Variants in BTRC observed in about 807,000 individuals in gnomAD.
BTRC encodes F-box/WD repeat-containing protein 1A.
BTRC carries 42 observed loss-of-function variants against 85.5 expected under a neutral mutation model. The ratio of observed to expected loss-of-function variants is 0.49; its 90% CI spans 0.38 to 0.64. BTRC has a LOEUF of 0.64. Ranked by LOEUF, BTRC falls within the 30% of genes least tolerant of loss-of-function variation. The pLI, the probability that BTRC is intolerant of heterozygous loss-of-function variation, is 0.00. For missense variants in BTRC, 594 were observed against 743.5 expected (o/e 0.80, Z 2.34); for synonymous variants, 255 against 263.3 (o/e 0.97, Z 0.30).
chr10:101,532,776 G>GTT (rs1198220819), intron 8 of BTRC, among the ~76,000 whole-genome samples, 176 bp from the exon 9 acceptor site: 1 of 72,960 alleles, frequency 1.4e-5, no homozygotes, highest in African/African-American at 9.8e-5. Context: ...GTGTGTGTGT[G>GTT]TGTGTGTGTG....
At position 101,438,162 on chromosome 10, in the gene BTRC, CA is replaced by C. The variant is rs535037635; in HGVS notation, c.156+7711del. ...GAAAGAATAGCAATATAAGTCTTCT[CA>C]CGTCTGTAATCCCAGCACTTTGGGA... On this transcript the variant is annotated intron_variant, in intron 2 of 14. Coordinates refer to ENST00000370187, the MANE Select transcript of BTRC (RefSeq NM_033637.4). 7.9e-5 allele frequency among the ~76,000 whole-genome samples: 12 copies of C among 152,196 alleles called. No homozygotes were observed. In the East Asian group the frequency reaches 2.3e-3, roughly 29 times the overall value.
intron 4 of BTRC, among the ~76,000 whole-genome samples, chr10:101,499,633 G>A (rs1486987193): frequency 6.6e-6 from 1 of 151,440 alleles, no homozygotes; most frequent in Non-Finnish European, 1.5e-5. Context: ...AAAATGTCTT[G>A]ATTCTGTCTT....
At chr10:101,456,281 AG>A (rs1945081311) in intron 2 of BTRC, among the ~76,000 whole-genome samples, 1 of 152,138 alleles carries the variant, frequency 6.6e-6, no homozygotes, top group Admixed American at 6.5e-5. Context: ...CACTGGTAAG[AG>A]GTGTTGTGGG....
chr10:101,405,614 T>A (rs1943601432), intron 1 of BTRC, among the ~76,000 whole-genome samples: 1 of 152,314 alleles, frequency 6.6e-6, no homozygotes, highest in Admixed American at 6.5e-5. Flanking sequence ...TTCAGTGTTA[T>A]GTAAAAGTCT....
intron 3 of BTRC, among the ~76,000 whole-genome samples, chr10:101,468,140 C>T (rs972349459): frequency 2.0e-5 from 3 of 151,986 alleles, no homozygotes; most frequent in African/African-American, 4.8e-5. Flanking sequence ...GAAGGAAGAC[C>T]GTATGGGGGG....
chr10:101,432,911 G>A (rs1326460113), intron 2 of BTRC, among the ~76,000 whole-genome samples: 2 of 152,098 alleles, frequency 1.3e-5, no homozygotes, highest in East Asian at 3.9e-4. Context: ...TGGTGTCCAG[G>A]TATTCACTGG....
intron 4 of BTRC, among the ~76,000 whole-genome samples, chr10:101,508,475 A>T (rs1378807501): frequency 1.3e-5 from 2 of 152,166 alleles, no homozygotes; most frequent in African/African-American, 4.8e-5. Context: ...TAATAATCCC[A>T]CTGAGAAATA....
At chr10:101,529,737 T>C (rs1235087919) in intron 6 of BTRC, among the ~76,000 whole-genome samples, 1 of 152,182 alleles carries the variant, frequency 6.6e-6, no homozygotes, top group Non-Finnish European at 1.5e-5. Flanking sequence ...ATAGGAAATT[T>C]TCTCAACTAA....
intron 4 of BTRC, among the ~76,000 whole-genome samples, chr10:101,515,046 C>T (rs1014737662): frequency 6.6e-6 from 1 of 152,074 alleles, no homozygotes; most frequent in East Asian, 1.9e-4. Context: ...GCCTCCACCT[C>T]CCGGGTTCAA....
chr10:101,385,389 A>AG (rs1428263129), intron 1 of BTRC, among the ~76,000 whole-genome samples: 1 of 150,232 alleles, frequency 6.7e-6, no homozygotes, highest in Non-Finnish European at 1.5e-5. Context: ...AAAAAAGAAA[A>AG]GAAAAAAAGT....
intron 1 of BTRC, among the ~76,000 whole-genome samples, chr10:101,370,688 A>G (rs936068394): frequency 1.1e-4 from 17 of 149,914 alleles, no homozygotes; most frequent in Non-Finnish European, 8.9e-5. Context: ...TCCCACCTCA[A>G]CTTCCCCGTA....
chr10:101,369,887 T>C (rs1942582494), intron 1 of BTRC, among the ~76,000 whole-genome samples: 1 of 152,194 alleles, frequency 6.6e-6, no homozygotes, highest in African/African-American at 2.4e-5. Flanking sequence ...AGCCCCTTTC[T>C]ATGTGACCAC....
At chr10:101,440,377 T>G (rs940830730) in intron 2 of BTRC, among the ~76,000 whole-genome samples, 1 of 152,024 alleles carries the variant, frequency 6.6e-6, no homozygotes, top group East Asian at 1.9e-4. Flanking sequence ...TAACTGAGAA[T>G]GAATGGCCTT....
intron 1 of BTRC, among the ~76,000 whole-genome samples, chr10:101,369,318 C>T (rs1942567217): frequency 6.6e-6 from 1 of 151,964 alleles, no homozygotes; most frequent in Non-Finnish European, 1.5e-5. Context: ...CTCCTGGGCT[C>T]AAACATCCTC....
chr10:101,492,117 C>A (rs1394927517), intron 4 of BTRC, among the ~76,000 whole-genome samples: 1 of 151,988 alleles, frequency 6.6e-6, no homozygotes, highest in Non-Finnish European at 1.5e-5. Context: ...CAAACAGGAA[C>A]AGCAAAATAT....
intron 1 of BTRC, among the ~76,000 whole-genome samples, chr10:101,358,061 C>T (rs1001181501): frequency 6.6e-6 from 1 of 152,050 alleles, no homozygotes; most frequent in African/African-American, 2.4e-5. Context: ...CACACAAGCA[C>T]GTTTAAGATA....
At chr10:101,543,126 C>T (rs2062495357) in intron 13 of BTRC, among the ~76,000 whole-genome samples, 1 of 152,218 alleles carries the variant, frequency 6.6e-6, no homozygotes, top group African/African-American at 2.4e-5. Flanking sequence ...GATCCACACA[C>T]CTCGGCCTCC....
At chr10:101,541,393 G>A (rs2062466505) in intron 13 of BTRC, among the ~76,000 whole-genome samples, 1 of 152,022 alleles carries the variant, frequency 6.6e-6, no homozygotes, top group African/African-American at 2.4e-5. Context: ...CTGAGTAGCT[G>A]GGACTACAGG....
chr10:101,378,687 G>A (rs1942853630), intron 1 of BTRC, among the ~76,000 whole-genome samples: 1 of 151,878 alleles, frequency 6.6e-6, no homozygotes, highest in Non-Finnish European at 1.5e-5. Context: ...ACCACGCCCG[G>A]CTAATTTTTG....
Sources: allele counts gnomAD v4.1 joint callset (sites outside exome capture counted in the v4.1 genomes callset), GRCh38; gene constraint gnomAD v4.1.1; transcripts MANE v1.5; gene names NCBI Gene and HGNC (gene_info 2026-07-23, HGNC 2026-07-21).